GRM7: variants seen among roughly 807,000 people sequenced by gnomAD.
The protein encoded by GRM7 is metabotropic glutamate receptor 7.
Under a neutral mutation model 84.5 loss-of-function variants are expected in GRM7, and 35 were observed. The ratio of observed to expected loss-of-function variants is 0.41; its 90% CI spans 0.32 to 0.55. The LOEUF (loss-of-function observed/expected upper bound fraction) is 0.55. Among genes scored for constraint, GRM7 ranks in the 20% least tolerant of loss-of-function variants. The pLI is 0.19. For missense variants in GRM7, 1,003 were observed against 1,194.6 expected, an observed-to-expected ratio of 0.84 and a Z score of 2.36; for synonymous variants, 487 against 455.1, an observed-to-expected ratio of 1.07 and a Z score of -0.89.
chr3:7,103,070 C>T (rs545975112), intron 1 of GRM7, among the ~76,000 whole-genome samples: 3 of 151,810 alleles, frequency 2.0e-5, no homozygotes, highest in South Asian at 4.1e-4. Context: ...TTTTCTTTCC[C>T]TCTTGATAAT....
intron 1 of GRM7, among the ~76,000 whole-genome samples, chr3:7,087,144 G>A (rs144299948): frequency 4.0e-3 from 610 of 152,216 alleles, no homozygotes; most frequent in Middle Eastern, 0.01. Flanking sequence ...ATAAGCATGT[G>A]CTTTCTTCTT....
At chr3:7,278,401 T>C (rs914139848) in intron 2 of GRM7, among the ~76,000 whole-genome samples, 2 of 152,226 alleles carry the variant, frequency 1.3e-5, no homozygotes, top group African/African-American at 4.8e-5. Flanking sequence ...GAAAACATGT[T>C]ATTAAATTAA....
intron 5 of GRM7, 90 bp downstream of exon 5, chr3:7,415,253 G>A (rs536425638): frequency 1.3e-5 from 14 of 1,108,068 alleles, no homozygotes; most frequent in Non-Finnish European, 1.3e-6. Flanking sequence ...CTTGGCTGGA[G>A]ACAAATTGAA....
chr3:7,491,640 A>C (rs1352745837), intron 7 of GRM7, among the ~76,000 whole-genome samples: 1 of 152,116 alleles, frequency 6.6e-6, no homozygotes, highest in East Asian at 1.9e-4. Context: ...TTACCAGATG[A>C]TATGTTAGCT....
rs34132725 is a variant in GRM7, at chr3:6,878,378, CGTGTGT to C, written c.519+16504_519+16509del. On this transcript the variant is annotated intron_variant, in intron 1 of 9. Transcript: ENST00000357716. The stretch of plus-strand genomic sequence containing the variant: ...CAAAGGGTGATTTTTTATGTGTTTG[CGTGTGT>C]GTGTGTGTGTGTGTGTGTGTGTGTG... Among the ~76,000 whole-genome samples, 171 of 142,032 alleles carry C rather than the reference CGTGTGT, an allele frequency of 1.2e-3. 1 individual carries two copies. Among genetic ancestry groups the C allele is most frequent in the Admixed American group, 3.4e-3 (47 of 13,986 alleles). The allele number at this position is 142,032 out of a possible 152,430, so 93.2% of individuals were successfully genotyped here. A position where few individuals can be genotyped will look rare whatever the true frequency, so the allele number is the denominator to read the frequency against.
intron 4 of GRM7, among the ~76,000 whole-genome samples, chr3:7,323,807 A>G (rs7642946): frequency 0.43 from 65,647 of 152,036 alleles, 14,328 homozygotes; most frequent in Middle Eastern, 0.5. Context: ...TCTAGTGGGC[A>G]CTTATAATAT....
At chr3:6,967,766 A>G (rs1217279014) in intron 1 of GRM7, among the ~76,000 whole-genome samples, 1 of 152,150 alleles carries the variant, frequency 6.6e-6, no homozygotes, top group East Asian at 1.9e-4. Context: ...TCAATACAGG[A>G]CTGGGGACTA....
intron 4 of GRM7, among the ~76,000 whole-genome samples, chr3:7,329,967 G>C (rs560672011): frequency 1.6e-4 from 25 of 152,238 alleles, no homozygotes; most frequent in African/African-American, 6.0e-4. Context: ...TGAATGACTA[G>C]TGTTTGGGAG....
intron 1 of GRM7, among the ~76,000 whole-genome samples, chr3:7,074,505 G>A (rs1006317880): frequency 2.6e-5 from 4 of 151,966 alleles, no homozygotes; most frequent in African/African-American, 4.8e-5. Context: ...ACTGTTCTGC[G>A]ACATTATAAA....
At position 7,492,290 on chromosome 3, in the gene GRM7, T is replaced by C. The variant is rs968993768; in HGVS notation, c.1515+30568T>C. On this transcript the variant is annotated intron_variant, in intron 7 of 9. Coordinates refer to ENST00000357716, the MANE Select transcript of GRM7 (RefSeq NM_000844.4). ...AACAGGCAAAATTGGTATTAATTCT[T>C]ATTTATATCTTTGGTAGAATTTCCC... Among the ~76,000 whole-genome samples the C allele has an allele frequency of 5.9e-5, 9 of 152,306 alleles. No homozygotes were observed. The South Asian group carries it at 1.7e-3, about 28-fold the overall frequency.
At chr3:7,561,428 A>G in intron 7 of GRM7, 2 of 450,098 alleles carry the variant, frequency 4.4e-6, no homozygotes, top group Non-Finnish European at 9.0e-6. Flanking sequence ...TGCATGGAAC[A>G]CAGAAGCTGC....
At chr3:7,194,532 T>G (rs1695819043) in intron 2 of GRM7, among the ~76,000 whole-genome samples, 1 of 152,194 alleles carries the variant, frequency 6.6e-6, no homozygotes, top group Admixed American at 6.6e-5. Flanking sequence ...GTCTCAGATC[T>G]AATGTTAATA....
Position 7,212,465 on chromosome 3 carries a change from C to A in GRM7, c.736+65797C>A, listed in dbSNP as rs376354332. ...TAGCAAGAGTCCAGTCTGTGGGAAA[C>A]TTTGAAGAGACATTAGTGAAATAAT... On this transcript the variant is annotated intron_variant, in intron 2 of 9. Transcript: ENST00000357716. Among the ~76,000 whole-genome samples, 5 of 152,060 alleles carry A rather than the reference C, an allele frequency of 3.3e-5. No homozygotes were observed. In the South Asian group the frequency reaches 8.3e-4, roughly 25 times the overall value.
At chr3:7,159,532 T>A (rs1694557994) in intron 2 of GRM7, among the ~76,000 whole-genome samples, 1 of 152,188 alleles carries the variant, frequency 6.6e-6, no homozygotes, top group Non-Finnish European at 1.5e-5. Flanking sequence ...CAATACCTGT[T>A]ATTCCTGCTT....
In GRM7 at chr3:7,392,319, T is replaced by G. The variant is rs114108578; in HGVS notation, c.1034-22704T>G. Among the ~76,000 whole-genome samples, 965 of 152,308 alleles carry G rather than the reference T, an allele frequency of 6.3e-3. 6 individuals are homozygous for G. Among genetic ancestry groups the G allele is most frequent in the African/African-American group, 0.022 (899 of 41,568 alleles). The stretch of plus-strand genomic sequence containing the variant: ...TTCAGCAACTCTCCTCCCACTCTAG[T>G]CCTGAGACAGGGAAGAGTCTAATTC... On this transcript the variant is annotated intron_variant, in intron 4 of 9. Transcript: ENST00000357716.
At chr3:6,926,282 A>T (rs1434759935) in intron 1 of GRM7, among the ~76,000 whole-genome samples, 2 of 152,202 alleles carry the variant, frequency 1.3e-5, no homozygotes, top group East Asian at 3.8e-4. Context: ...TTCTACATAT[A>T]TCATTTGTGC....
intron 8 of GRM7, among the ~76,000 whole-genome samples, chr3:7,592,942 A>C (rs1436307203): frequency 2.0e-5 from 3 of 152,178 alleles, no homozygotes; most frequent in Admixed American, 2.0e-4. Context: ...GCCTAGGAAC[A>C]GTTTAAACCT....
chr3:7,719,949 G>C (rs539102663), intron 9 of GRM7, among the ~76,000 whole-genome samples: 1 of 152,108 alleles, frequency 6.6e-6, no homozygotes, highest in Non-Finnish European at 1.5e-5. Context: ...TAATAATTAT[G>C]ATGGTGGAAT....
At chr3:7,372,598 AGTCT>A (rs1694184803) in intron 4 of GRM7, among the ~76,000 whole-genome samples, 1 of 152,144 alleles carries the variant, frequency 6.6e-6, no homozygotes, top group African/African-American at 2.4e-5. Flanking sequence ...TCTTATTTAT[AGTCT>A]GTTGCAGGAG....
Sources: gnomAD v4.1 joint callset for allele counts (sites outside exome capture counted in the v4.1 genomes callset) on GRCh38, gnomAD v4.1.1 for gene constraint, MANE v1.5 for transcripts, NCBI Gene and HGNC (gene_info 2026-07-23, HGNC 2026-07-21) for gene names.